ESPNL: variants seen among roughly 807,000 people sequenced by gnomAD.
The protein encoded by ESPNL is espin like.
ESPNL carries 49 observed loss-of-function variants against 46.8 expected under a neutral mutation model. The observed-to-expected ratio is 1.05, with a 90% CI of 0.83 to 1.33. The LOEUF is 1.33. Ranked by LOEUF, ESPNL falls within the 40% of genes most tolerant of loss-of-function variation. ESPNL has a pLI of 0.00. For missense variants in ESPNL, 1,540 were observed against 1,436.6 expected (o/e 1.07, Z -1.16); for synonymous variants, 664 against 662.1 (o/e 1.00, Z -0.04).
chr2:238,121,832 T>G (rs35584033), intron 5 of ESPNL, among the ~76,000 whole-genome samples: 29,298 of 152,192 alleles, frequency 0.19, 3,099 homozygotes, highest in African/African-American at 0.27. Context: ...ATTTTATATA[T>G]GAGGAAACTG....
At chr2:238,118,650 A>AATGGATGGAGGAGG (rs1691887224) in intron 5 of ESPNL, among the ~76,000 whole-genome samples, 4 of 33,404 alleles carry the variant, frequency 1.2e-4, no homozygotes, top group African/African-American at 3.9e-4. Flanking sequence ...GATGGAGGAG[A>AATGGATGGAGGAGG]GTGGTTGGAG....
chr2:238,101,954 C>G lies in ESPNL; in HGVS notation c.308C>G (p.Ser103Trp). 6.2e-7 allele frequency: 1 copy of G among 1,608,608 alleles called. No homozygotes were observed. Among genetic ancestry groups the G allele is most frequent in the Non-Finnish European group, 8.5e-7 (1 of 1,179,136 alleles). The change falls in exon 2 of 9, where the codon TCG becomes TGG. Residue 103 changes from serine to tryptophan, a missense_variant. Transcript: ENST00000343063. ...GGCGLQDQDASGVSPLHLAAR... is the reference protein window; with the variant it reads ...GGCGLQDQDAWGVSPLHLAAR... ...GGGGCTTGGTAGGACCAAGATGCCT[C>G]GGGCGTCTCCCCGCTGCACCTGGCC...
chr2:238,113,795 G>A (rs1691759863), intron 4 of ESPNL, among the ~76,000 whole-genome samples: 1 of 152,154 alleles, frequency 6.6e-6, no homozygotes, highest in African/African-American at 2.4e-5. Context: ...ACCCCTGATG[G>A]AACCCGCACG....
Position 238,128,822 on chromosome 2 carries a change from A to T in ESPNL, c.1331A>T (p.Gln444Leu). ...GLVPTRDERG[Q>L]PIPEWKRQVM... is the part of the protein sequence containing the mutation. Reference sequence around the variant, plus strand: ...GTGCCCACGCGGGATGAGCGCGGCCAGCCCATCCCAGAGTGGAAGCGGCAG... The same window carrying T: ...GTGCCCACGCGGGATGAGCGCGGCCTGCCCATCCCAGAGTGGAAGCGGCAG... The change falls in exon 8 of 9, where the codon CAG becomes CTG. Residue 444 changes from glutamine to leucine, a missense_variant. Gln to Leu is a moderately radical substitution (Grantham distance 113). Transcript: ENST00000343063. The T allele has an allele frequency of 1.3e-6, 2 of 1,551,014 alleles. No homozygotes were observed. Among genetic ancestry groups the T allele is most frequent in the Non-Finnish European group, 1.7e-6 (2 of 1,147,828 alleles).
chr2:238,102,719 C>G (rs1027524708), intron 2 of ESPNL, among the ~76,000 whole-genome samples: 3 of 152,188 alleles, frequency 2.0e-5, no homozygotes, highest in African/African-American at 7.2e-5. Context: ...GCCTCCCTCC[C>G]CACCTGGAAG....
chr2:238,125,430 A>T, intron 6 of ESPNL, 46 bp downstream of exon 6: 9 of 1,200,714 alleles, frequency 7.5e-6, no homozygotes, highest in South Asian at 1.7e-5. Context: ...TGGGCCTGGG[A>T]GAGGGTGCCA....
Position 238,130,607 on chromosome 2 carries a change from G to A in ESPNL, c.1893G>A (p.Glu631=), listed in dbSNP as rs1408680903. 1.9e-6 allele frequency: 3 copies of A among 1,566,274 alleles called. No individual in the cohort carries two copies. The highest frequency in any genetic ancestry group is 2.4e-5 in the East Asian group (1 of 42,520). Reference sequence around the variant, plus strand: ...GGCCCCTGCAGGACACCTGCAGGGAGGCCTCGGCCAGCCCCCCTCGGAGCG... The same window carrying A: ...GGCCCCTGCAGGACACCTGCAGGGAAGCCTCGGCCAGCCCCCCTCGGAGCG... ...STRPLQDTCR[E]ASASPPRSEA... Residue 631 remains glutamate (E), a synonymous_variant, in exon 9 of 9, where the codon GAG becomes GAA. Coordinates refer to ENST00000343063, the MANE Select transcript of ESPNL (RefSeq NM_194312.4).
chr2:238,131,016 G>A lies in ESPNL; in HGVS notation c.2302G>A (p.Ala768Thr). The A allele has an allele frequency of 6.5e-7, 1 of 1,541,624 alleles. No individual in the cohort carries two copies. The highest frequency in any genetic ancestry group is 8.7e-7 in the Non-Finnish European group (1 of 1,144,530). Residue 768 changes from alanine (A) to threonine (T), a missense_variant, in exon 9 of 9, where the codon GCC becomes ACC. Coordinates refer to ENST00000343063, the MANE Select transcript of ESPNL (RefSeq NM_194312.4). ...LKTVACRTLGARHAGLRGQEA... is the reference protein window; with the variant it reads ...LKTVACRTLGTRHAGLRGQEA... The stretch of plus-strand genomic sequence containing the variant: ...GACAGTGGCCTGCAGGACCCTAGGA[G>A]CCCGCCACGCGGGGTTGCGGGGCCA...
intron 2 of ESPNL, among the ~76,000 whole-genome samples, chr2:238,103,097 A>G (rs990446926): frequency 6.6e-6 from 1 of 152,054 alleles, no homozygotes; most frequent in African/African-American, 2.4e-5. Context: ...TCAGACCCAC[A>G]CGGCTTTTAA....
chr2:238,123,826 C>G (rs1163417700), intron 5 of ESPNL, among the ~76,000 whole-genome samples: 1 of 152,160 alleles, frequency 6.6e-6, no homozygotes, highest in East Asian at 1.9e-4. Flanking sequence ...GAGTGAGGTG[C>G]GTGGGGGCCG....
chr2:238,120,676 A>G (rs915030786), intron 5 of ESPNL, among the ~76,000 whole-genome samples: 1 of 152,164 alleles, frequency 6.6e-6, no homozygotes, highest in South Asian at 2.1e-4. Context: ...CGGGGTAGGG[A>G]CTGGAGCCTG....
In ESPNL at chr2:238,104,629, G is replaced by A. The variant is rs116421471; in HGVS notation, c.486-27G>A. On this transcript the variant is annotated intron_variant, in intron 2 of 8. Transcript: ENST00000343063. ...TGGGCTCAGCCATAGGCAGGGACTG[G>A]GCCTCCAAACCCTCCCTTCCCTGCA... The A allele has an allele frequency of 1.0e-3, 1,534 of 1,539,600 alleles. 17 individuals carry two copies. The African/African-American group carries it at 0.018, about 18-fold the overall frequency.
At chr2:238,108,454 A>T (rs1447805844) in intron 4 of ESPNL, among the ~76,000 whole-genome samples, 1 of 152,216 alleles carries the variant, frequency 6.6e-6, no homozygotes, top group Non-Finnish European at 1.5e-5. Flanking sequence ...AACCACACCC[A>T]GCCTTTGAGG....
intron 4 of ESPNL, among the ~76,000 whole-genome samples, chr2:238,116,105 C>A (rs550098037): frequency 6.6e-6 from 1 of 152,332 alleles, no homozygotes. Flanking sequence ...AACTCGAGTT[C>A]GTTTTTGTGT....
At chr2:238,111,312 C>T (rs939805933) in intron 4 of ESPNL, among the ~76,000 whole-genome samples, 6 of 152,122 alleles carry the variant, frequency 3.9e-5, no homozygotes, top group African/African-American at 1.4e-4. Flanking sequence ...ATAAAATTTA[C>T]CATCTTAGCC....
rs1208062055 is a variant in ESPNL at position 238,130,515 on chromosome 2, C to T, written c.1801C>T (p.Arg601Cys). The stretch of plus-strand genomic sequence containing the variant: ...GTGCAGCCACATCTCCCGCCTGGTA[C>T]GCAGCCTGTCCCTGCTGCTGAAGGG... ...FWCSHISRLV[R>C]SLSLLLKGVH... The change falls in exon 9 of 9, where the codon CGC becomes TGC. Residue 601 changes from arginine (R) to cysteine (C), a missense_variant. Arg to Cys is a radical substitution (Grantham distance 180). Transcript: ENST00000343063. The T allele has an allele frequency of 6.3e-6, 10 of 1,597,460 alleles. No individual in the cohort carries two copies. Among genetic ancestry groups the T allele is most frequent in the South Asian group, 1.1e-5 (1 of 88,778 alleles).
chr2:238,103,434 AAAGAAG>A (rs148045033), intron 2 of ESPNL, among the ~76,000 whole-genome samples: 27,500 of 149,550 alleles, frequency 0.18, 4,852 homozygotes, highest in African/African-American at 0.45. Flanking sequence ...GTCTCAAAAA[AAAGAAG>A]AAAACCAGGA....
intron 8 of ESPNL, among the ~76,000 whole-genome samples, chr2:238,129,689 C>T (rs6431582): frequency 0.72 from 109,585 of 152,254 alleles, 41,042 homozygotes; most frequent in African/African-American, 0.92. Context: ...GTGCCCCCGG[C>T]CCAGCGCTGT....
chr2:238,130,013 T>C, intron 8 of ESPNL, 115 bp from the exon 9 acceptor site: 1 of 1,206,284 alleles, frequency 8.3e-7, no homozygotes, highest in Non-Finnish European at 1.1e-6. Flanking sequence ...AGTCTTACCT[T>C]GGGGCAGGAC....
Sources: allele counts gnomAD v4.1 joint callset (sites outside exome capture counted in the v4.1 genomes callset), GRCh38; gene constraint gnomAD v4.1.1; transcripts MANE v1.5; gene names NCBI Gene and HGNC (gene_info 2026-07-23, HGNC 2026-07-21).